COL26A1: variants seen among roughly 807,000 people sequenced by gnomAD.
COL26A1 encodes the protein collagen alpha-1(XXVI) chain.
In COL26A1, 41 loss-of-function variants were observed where a neutral mutation model predicts 59.3. The ratio of observed to expected loss-of-function variants is 0.69; its 90% CI spans 0.54 to 0.90. The LOEUF is 0.90. Ranked by LOEUF, COL26A1 falls within the 40% of genes least tolerant of loss-of-function variation. The pLI is 0.00. For missense variants in COL26A1, 612 were observed against 602.3 expected, an observed-to-expected ratio of 1.02 and a Z score of -0.17; for synonymous variants, 266 against 256.0, an observed-to-expected ratio of 1.04 and a Z score of -0.37.
chr7:101,535,589 G>A (rs979818576), intron 4 of COL26A1, among the ~76,000 whole-genome samples: 10 of 152,292 alleles, frequency 6.6e-5, no homozygotes, highest in South Asian at 2.1e-4. Flanking sequence ...CAGCAGGCCC[G>A]GGGCAGAGCT....
At chr7:101,378,679 G>T (rs1791376976) in intron 1 of COL26A1, among the ~76,000 whole-genome samples, 1 of 152,024 alleles carries the variant, frequency 6.6e-6, no homozygotes, top group South Asian at 2.1e-4. Context: ...TAAGCTGTTT[G>T]CACTCATGAC....
At chr7:101,533,480 G>C (rs894988104) in intron 4 of COL26A1, among the ~76,000 whole-genome samples, 3 of 152,160 alleles carry the variant, frequency 2.0e-5, no homozygotes, top group Admixed American at 6.5e-5. Context: ...CCCACCTCCA[G>C]AATGGGGCTG....
chr7:101,389,377 ATTTTTTT>A (rs71106518), intron 1 of COL26A1, among the ~76,000 whole-genome samples: 2 of 89,378 alleles, frequency 2.2e-5, no homozygotes, highest in African/African-American at 8.1e-5. Context: ...TGATTTGCAC[ATTTTTTT>A]TTTTTTTTTT....
rs1584415703 is a variant in COL26A1, at chr7:101,447,719, C to G, written c.317C>G (p.Ser106Cys). ...RTLIRPTYRV[S>C]YRTVTVLEWR... ...CTGATCAGACCCACCTACAGAGTGT[C>G]CTACCGCACGGTGACGGTGCTGGAG... Residue 106 changes from serine (S) to cysteine (C), a missense_variant, in exon 3 of 13, where the codon TCC becomes TGC. By Grantham distance (112) the Ser-to-Cys change is moderately radical (BLOSUM62 -1). Transcript: ENST00000313669. 7 of 1,605,778 alleles carry G rather than the reference C, an allele frequency of 4.4e-6. No individual in the cohort carries two copies. The East Asian group carries it at 1.6e-4, about 36-fold the overall frequency.
intron 1 of COL26A1, among the ~76,000 whole-genome samples, chr7:101,366,520 A>G (rs1584342731): frequency 2.1e-5 from 2 of 97,140 alleles, no homozygotes; most frequent in South Asian, 3.4e-4. Context: ...TTTTTTTTAA[A>G]GACAGGGTCT....
At chr7:101,426,442 C>A (rs1475876646) in intron 2 of COL26A1, among the ~76,000 whole-genome samples, 2 of 152,186 alleles carry the variant, frequency 1.3e-5, no homozygotes, top group African/African-American at 4.8e-5. Context: ...CCACCCACAC[C>A]TGTGTGTCCA....
At chr7:101,464,415 A>ATT (rs200742284) in intron 3 of COL26A1, among the ~76,000 whole-genome samples, 2,931 of 113,862 alleles carry the variant, frequency 0.026, 102 homozygotes, top group African/African-American at 0.089. Flanking sequence ...TTCTTATTTT[A>ATT]TTATTATTTT....
At chr7:101,489,662 T>TTTCTGTCTTTCTTTC (rs1794353126) in intron 3 of COL26A1, among the ~76,000 whole-genome samples, 1 of 53,726 alleles carries the variant, frequency 1.9e-5, no homozygotes, top group Non-Finnish European at 3.4e-5. Context: ...TCTTTCTTTC[T>TTTCTGTCTTTCTTTC]TCCTTCCTTC....
At chr7:101,510,157 G>C in intron 3 of COL26A1, among the ~76,000 whole-genome samples, 1 of 151,924 alleles carries the variant, frequency 6.6e-6, no homozygotes, top group East Asian at 1.9e-4. Context: ...GAGTAGCTGG[G>C]ACTACAGGCA....
chr7:101,534,869 C>G (rs1001091784), intron 4 of COL26A1, among the ~76,000 whole-genome samples: 1 of 152,202 alleles, frequency 6.6e-6, no homozygotes, highest in African/African-American at 2.4e-5. Flanking sequence ...AGCATCAGCC[C>G]TGCAGGGCTG....
At chr7:101,372,832 C>T (rs1791225964) in intron 1 of COL26A1, among the ~76,000 whole-genome samples, 1 of 151,994 alleles carries the variant, frequency 6.6e-6, no homozygotes, top group African/African-American at 2.4e-5. Context: ...CCCGTCTCTA[C>T]CAAAAATAAA....
chr7:101,362,837 C>A (rs1428691943), upstream of COL26A1: 3 of 568,670 alleles, frequency 5.3e-6, no homozygotes, highest in African/African-American at 2.0e-5. Context: ...GAGCCCACCT[C>A]GCCGAATTTG....
chr7:101,387,755 TA>T (rs1791618706), intron 1 of COL26A1, among the ~76,000 whole-genome samples: 3 of 53,242 alleles, frequency 5.6e-5, no homozygotes, highest in Admixed American at 1.8e-4. Context: ...TATATATATT[TA>T]TATATATATA....
intron 1 of COL26A1, among the ~76,000 whole-genome samples, chr7:101,411,018 A>G (rs574789009): frequency 6.6e-6 from 1 of 152,204 alleles, no homozygotes; most frequent in East Asian, 1.9e-4. Context: ...TGGCCAGGTA[A>G]TTAGAACAGT....
intron 2 of COL26A1, among the ~76,000 whole-genome samples, chr7:101,445,508 G>T (rs1346689082): frequency 6.6e-6 from 1 of 151,176 alleles, no homozygotes; most frequent in Non-Finnish European, 1.5e-5. Context: ...GAGGCGGGCG[G>T]ATCACGAGGT....
In COL26A1 at chr7:101,439,532, C is replaced by T. The variant is rs539462027; in HGVS notation, c.282-8152C>T. ...TTGTGCCACTGCACTCCAGCCTGGG[C>T]GACAGGGTGAGACTCCGTCTGAAAA... On this transcript the variant is annotated intron_variant, in intron 2 of 12. Coordinates refer to ENST00000313669, the MANE Select transcript of COL26A1 (RefSeq NM_001278563.3). Among the ~76,000 whole-genome samples the T allele has an allele frequency of 8.1e-5, 9 of 111,792 alleles. 1 individual carries two copies. In the South Asian group the frequency reaches 2.2e-3, roughly 27 times the overall value. 73.3% of individuals were successfully genotyped at this position (111,792 alleles called of 152,430 possible).
chr7:101,517,454 C>T (rs986015658), intron 3 of COL26A1, among the ~76,000 whole-genome samples: 5 of 152,192 alleles, frequency 3.3e-5, no homozygotes, highest in African/African-American at 1.2e-4. Context: ...ACTTGCTCCT[C>T]CTTGCCTTCC....
chr7:101,524,455 G>A lies in COL26A1; in HGVS notation c.386-8627G>A, dbSNP rs114957318. ...GAGGTATAGACCTGACATGTTTGAT[G>A]TCCCAGCGTAACACACCAACCCAGT... On this transcript the variant is annotated intron_variant, in intron 3 of 12. Transcript: ENST00000313669. Among the ~76,000 whole-genome samples, 960 of 152,250 alleles carry A rather than the reference G, an allele frequency of 6.3e-3. 6 individuals carry two copies. The highest frequency in any genetic ancestry group is 0.022 in the African/African-American group (898 of 41,548).
chr7:101,386,882 G>A (rs1391928792), intron 1 of COL26A1, among the ~76,000 whole-genome samples: 1 of 152,186 alleles, frequency 6.6e-6, no homozygotes, highest in Non-Finnish European at 1.5e-5. Flanking sequence ...AGCATTGCAA[G>A]TTGTCTGCCT....
Sources: allele counts gnomAD v4.1 joint callset (sites outside exome capture counted in the v4.1 genomes callset), GRCh38; gene constraint gnomAD v4.1.1; transcripts MANE v1.5; gene names NCBI Gene and HGNC (gene_info 2026-07-23, HGNC 2026-07-21).